SUGCT: variants seen among roughly 807,000 people sequenced by gnomAD.
SUGCT encodes the protein succinyl-CoA:glutarate CoA-transferase.
A neutral mutation model predicts 55.0 loss-of-function variants in SUGCT; 41 were observed. The ratio of observed to expected loss-of-function variants is 0.74; its 90% CI spans 0.58 to 0.97. SUGCT has a LOEUF of 0.97. Ranked by LOEUF, SUGCT falls within the 50% of genes least tolerant of loss-of-function variation. The pLI, the probability that SUGCT is intolerant of heterozygous loss-of-function variation, is 0.00. For missense variants in SUGCT, 568 were observed against 547.8 expected (o/e 1.04, Z -0.37); for synonymous variants, 187 against 200.4 (o/e 0.93, Z 0.56).
chr7:40,718,533 A>G (rs1211628284), intron 12 of SUGCT, among the ~76,000 whole-genome samples: 1 of 152,194 alleles, frequency 6.6e-6, no homozygotes, highest in East Asian at 1.9e-4. Context: ...CATTTTGGCT[A>G]TGGCTTATTT....
chr7:40,946,189 G>A, the SUGCT span, among the ~76,000 whole-genome samples: 3 of 151,858 alleles, frequency 2.0e-5, no homozygotes, highest in African/African-American at 7.3e-5. Context: ...CAGCTAGGAG[G>A]TAGTGATGGG....
At chr7:40,581,456 A>G (rs1035993383) in intron 12 of SUGCT, among the ~76,000 whole-genome samples, 3 of 152,224 alleles carry the variant, frequency 2.0e-5, no homozygotes, top group African/African-American at 7.2e-5. Flanking sequence ...TAAAGGCAGA[A>G]GAGGTACAGT....
At chr7:40,810,313 T>A (rs1791343651) in intron 13 of SUGCT, among the ~76,000 whole-genome samples, 1 of 152,158 alleles carries the variant, frequency 6.6e-6, no homozygotes, top group South Asian at 2.1e-4. Flanking sequence ...AAATGGAAGC[T>A]CTGGTTTTAG....
intron 12 of SUGCT, among the ~76,000 whole-genome samples, chr7:40,513,222 A>G (rs1001538097): frequency 6.6e-5 from 10 of 152,234 alleles, no homozygotes; most frequent in African/African-American, 2.4e-4. Flanking sequence ...TTTGTCTTAT[A>G]CCCTGTTAGT....
chr7:41,037,748 T>G, the SUGCT span, among the ~76,000 whole-genome samples: 2 of 151,996 alleles, frequency 1.3e-5, no homozygotes, highest in African/African-American at 4.8e-5. Flanking sequence ...CACTTTTTTT[T>G]TTTTTTTGGA....
At chr7:40,337,820 G>A (rs1157640173) in intron 9 of SUGCT, among the ~76,000 whole-genome samples, 1 of 152,050 alleles carries the variant, frequency 6.6e-6, no homozygotes. Context: ...TTGCTCATTA[G>A]TTGATGCAGT....
At chr7:40,463,721 TC>T (rs1789943218) in intron 11 of SUGCT, among the ~76,000 whole-genome samples, 1 of 152,150 alleles carries the variant, frequency 6.6e-6, no homozygotes, top group South Asian at 2.1e-4. Flanking sequence ...GTGTTACTAT[TC>T]CCCAACCAGG....
At chr7:40,259,780 A>G (rs1562622040) in intron 7 of SUGCT, among the ~76,000 whole-genome samples, 1 of 152,130 alleles carries the variant, frequency 6.6e-6, no homozygotes, top group Non-Finnish European at 1.5e-5. Context: ...TTTATTCTCT[A>G]ATTGCATCTT....
At chr7:40,204,551 C>T (rs1488066403) in intron 6 of SUGCT, among the ~76,000 whole-genome samples, 1 of 152,066 alleles carries the variant, frequency 6.6e-6, no homozygotes, top group Non-Finnish European at 1.5e-5. Context: ...ATCTGCCCGC[C>T]TCGGCCTCCC....
At chr7:40,953,174 C>A in the SUGCT span, among the ~76,000 whole-genome samples, 1 of 152,146 alleles carries the variant, frequency 6.6e-6, no homozygotes, top group Admixed American at 6.5e-5. Context: ...TTCCTCTAAA[C>A]TTCTCTTCTC....
intron 9 of SUGCT, among the ~76,000 whole-genome samples, chr7:40,426,028 T>C (rs1246792650): frequency 6.6e-6 from 1 of 152,194 alleles, no homozygotes; most frequent in African/African-American, 2.4e-5. Flanking sequence ...GTCTGGCACA[T>C]ATCTTAATCA....
At chr7:40,204,713 G>A (rs1362280156) in intron 6 of SUGCT, among the ~76,000 whole-genome samples, 1 of 151,148 alleles carries the variant, frequency 6.6e-6, no homozygotes, top group Non-Finnish European at 1.5e-5. Context: ...TTGCGTGAGG[G>A]TCAGTAGTTT....
At chr7:40,988,932 G>T in the SUGCT span, among the ~76,000 whole-genome samples, 1 of 151,458 alleles carries the variant, frequency 6.6e-6, no homozygotes, top group Non-Finnish European at 1.5e-5. Context: ...CAGTATATAG[G>T]CAGGTTTGAT....
rs1034676845 is a variant in SUGCT, at chr7:40,682,171, C to T, written c.1090-67263C>T. 3.3e-5 allele frequency among the ~76,000 whole-genome samples: 5 copies of T among 152,178 alleles called. No individual in the cohort carries two copies. In the South Asian group the frequency reaches 6.2e-4, roughly 19 times the overall value. ...TATTTCCATGCTTCGGGGTTCCCCA[C>T]AGCCTGCTAAAAGAGGGGTCCCTGC... On this transcript the variant is annotated intron_variant, in intron 12 of 13. Transcript: ENST00000335693.
intron 1 of SUGCT, among the ~76,000 whole-genome samples, chr7:40,161,308 TC>T (rs1389974434): frequency 6.6e-6 from 1 of 152,156 alleles, no homozygotes; most frequent in Non-Finnish European, 1.5e-5. Flanking sequence ...AGCTGCCTCT[TC>T]CTTTCCCTTC....
At chr7:40,217,446 A>C (rs989068580) in intron 6 of SUGCT, 9 of 446,508 alleles carry the variant, frequency 2.0e-5, no homozygotes, top group Non-Finnish European at 4.1e-5. Context: ...TCCAAACCTC[A>C]AGCAATCTGC....
At chr7:40,300,663 C>T (rs1025785497) in intron 8 of SUGCT, among the ~76,000 whole-genome samples, 2 of 152,046 alleles carry the variant, frequency 1.3e-5, no homozygotes, top group Non-Finnish European at 2.9e-5. Context: ...TGTTAGTGTA[C>T]CTTTGAGGTC....
At chr7:40,788,719 C>T (rs771701121) in intron 13 of SUGCT, among the ~76,000 whole-genome samples, 14 of 152,206 alleles carry the variant, frequency 9.2e-5, no homozygotes, top group Admixed American at 4.6e-4. Context: ...GGCTCCTACT[C>T]ATGGTAGTTC....
intron 6 of SUGCT, among the ~76,000 whole-genome samples, chr7:40,230,616 A>G (rs1323702557): frequency 6.6e-6 from 1 of 152,186 alleles, no homozygotes; most frequent in Non-Finnish European, 1.5e-5. Flanking sequence ...GCAGGAAGTA[A>G]AAGAATAGAG....
Sources: gnomAD v4.1 joint callset for allele counts (sites outside exome capture counted in the v4.1 genomes callset) on GRCh38, gnomAD v4.1.1 for gene constraint, MANE v1.5 for transcripts, NCBI Gene and HGNC (gene_info 2026-07-23, HGNC 2026-07-21) for gene names.